The following DCTN4 variants were observed in gnomAD, a reference collection of about 807,000 sequenced individuals.
The protein encoded by DCTN4 is dynactin subunit 4, also known as dynactin 4 (p62).
In DCTN4, 23 loss-of-function variants were observed where a neutral mutation model predicts 62.7. That is an observed-to-expected ratio of 0.37 (90% CI 0.26 to 0.52). The LOEUF (loss-of-function observed/expected upper bound fraction) is 0.52. DCTN4 is among the 20% of genes least tolerant of loss of function. The pLI, the probability that DCTN4 is intolerant of heterozygous loss-of-function variation, is 0.92. For synonymous variants in DCTN4, 199 were observed against 202.1 expected (o/e 0.98, Z 0.13); for missense variants, 514 against 580.4 (o/e 0.89, Z 1.18).
intron 3 of DCTN4, among the ~76,000 whole-genome samples, chr5:150,753,016 C>T (rs1265110579): frequency 6.6e-6 from 1 of 151,970 alleles, no homozygotes; most frequent in Non-Finnish European, 1.5e-5. Context: ...ACAGGTGCCC[C>T]CACCACGCCC....
intron 9 of DCTN4, among the ~76,000 whole-genome samples, chr5:150,722,140 T>C (rs1337272784): frequency 6.6e-6 from 1 of 152,208 alleles, no homozygotes; most frequent in African/African-American, 2.4e-5. Context: ...TTTCATCTTT[T>C]ATAACCACTA....
intron 12 of DCTN4, among the ~76,000 whole-genome samples, chr5:150,713,401 A>G (rs781530358): frequency 2.0e-5 from 3 of 152,038 alleles, no homozygotes; most frequent in Non-Finnish European, 2.9e-5. Context: ...TGGTATCACT[A>G]AACTAATCTC....
At chr5:150,725,071 T>A (rs193074113) in intron 8 of DCTN4, among the ~76,000 whole-genome samples, 1 of 142,920 alleles carries the variant, frequency 7.0e-6, no homozygotes, top group Non-Finnish European at 1.5e-5. Context: ...GGCAGGAGAA[T>A]GGCGTGAACC....
Position 150,718,301 on chromosome 5 carries a change from G to A in DCTN4, c.1046C>T (p.Pro349Leu). ...CTTAGCAGTGCTGTTGATATCATCA[G>A]GGTCCCCCTCCTCACACTCGAAGAG... ...VTLFECEEGD[P>L]DDINSTAKVV... The change falls in exon 11 of 13, where the codon CCT becomes CTT. Residue 349 changes from proline (P) to leucine (L), a missense_variant. Physicochemically the swap from Pro to Leu is moderately conservative, Grantham distance 98. Transcript: ENST00000447998. The A allele has an allele frequency of 6.2e-7, 1 of 1,613,950 alleles. No individual in the cohort carries two copies. The highest frequency in any genetic ancestry group is 1.7e-5 in the Admixed American group (1 of 60,016).
intron 3 of DCTN4, among the ~76,000 whole-genome samples, chr5:150,748,584 A>G (rs1752547776): frequency 1.3e-5 from 2 of 150,768 alleles, no homozygotes; most frequent in South Asian, 4.2e-4. Context: ...TGGCACATAT[A>G]CACCATGGAA....
At chr5:150,734,955 A>C (rs1760521747) in intron 4 of DCTN4, among the ~76,000 whole-genome samples, 1 of 152,146 alleles carries the variant, frequency 6.6e-6, no homozygotes, top group African/African-American at 2.4e-5. Context: ...TGAGAACCAC[A>C]CAACTGTCCT....
rs1759536594 is a variant in DCTN4 at position 150,710,932 on chromosome 5, C to T, written c.*217G>A. 3.5e-6 allele frequency: 2 copies of T among 567,450 alleles called. No homozygotes were observed. The highest frequency in any genetic ancestry group is 4.1e-5 in the South Asian group (2 of 48,622). The allele number at this position is 567,450 out of a possible 1,614,324, so 35.2% of individuals were successfully genotyped here. ...AACGTGCAGGGTTCAGTGAGGGAGA[C>T]ACAGACTTACTGGTGTCAACAGGGG... On this transcript the variant is annotated 3_prime_UTR_variant, in exon 13 of 13. Transcript: ENST00000447998.
At chr5:150,715,869 A>G (rs948103712) in intron 11 of DCTN4, among the ~76,000 whole-genome samples, 5 of 152,146 alleles carry the variant, frequency 3.3e-5, no homozygotes, top group African/African-American at 4.8e-5. Flanking sequence ...ACTGGGGAGA[A>G]CATGGGGGCT....
At chr5:150,713,783 CTAA>C (rs1045263326) in intron 12 of DCTN4, among the ~76,000 whole-genome samples, 37 of 151,868 alleles carry the variant, frequency 2.4e-4, no homozygotes, top group African/African-American at 8.9e-4. Context: ...TCTCTTCTCT[CTAA>C]TATCTTGTTG....
At chr5:150,731,833 T>TGGTC in intron 5 of DCTN4, 1 of 1,492,516 alleles carries the variant, frequency 6.7e-7, no homozygotes, top group Admixed American at 2.0e-5. Flanking sequence ...GGAACACCAG[T>TGGTC]GGTCATCTGC....
chr5:150,731,316 C>A, intron 6 of DCTN4, 100 bp downstream of exon 6: 1 of 1,134,598 alleles, frequency 8.8e-7, no homozygotes, highest in South Asian at 1.3e-5. Context: ...TCTTCTTTTC[C>A]ATTGACAACT....
intron 9 of DCTN4, among the ~76,000 whole-genome samples, chr5:150,720,318 G>A (rs190203685): frequency 1.1e-3 from 170 of 152,116 alleles, no homozygotes; most frequent in Non-Finnish European, 1.7e-3. Flanking sequence ...TGACCAGCAG[G>A]ATTACCTGAG....
chr5:150,736,311 G>A (rs1760580477), intron 4 of DCTN4: 1 of 152,160 alleles, frequency 6.6e-6, no homozygotes, highest in Admixed American at 6.5e-5. Context: ...ACAGTCATCA[G>A]GTTATCTAAA....
intron 1 of DCTN4, chr5:150,757,784 G>A (rs1228322660): frequency 6.6e-6 from 1 of 151,990 alleles, no homozygotes; most frequent in African/African-American, 2.4e-5. Flanking sequence ...CACATAAAAT[G>A]GCTTATAGTA....
chr5:150,758,810 CG>C, intron 1 of DCTN4, 48 bp downstream of exon 1: 3 of 1,600,520 alleles, frequency 1.9e-6, no homozygotes, highest in Non-Finnish European at 2.6e-6. Flanking sequence ...CTAGCATGAA[CG>C]CCGCGCCCCC....
chr5:150,719,594 T>C, intron 10 of DCTN4, 122 bp downstream of exon 10: 2 of 701,316 alleles, frequency 2.9e-6, no homozygotes, highest in Non-Finnish European at 5.0e-6. Context: ...TCCCAAACTG[T>C]CTTCTTTTCT....
intron 8 of DCTN4, among the ~76,000 whole-genome samples, chr5:150,730,144 T>A (rs779614634): frequency 3.3e-5 from 5 of 152,224 alleles, no homozygotes; most frequent in Non-Finnish European, 7.3e-5. Context: ...AATACTTCCA[T>A]CACCATAGAA....
intron 8 of DCTN4, among the ~76,000 whole-genome samples, chr5:150,727,675 CT>C (rs1760198488): frequency 6.8e-6 from 1 of 146,472 alleles, no homozygotes; most frequent in South Asian, 2.2e-4. Flanking sequence ...ACTCGGGAGG[CT>C]GAGGCAGGAG....
chr5:150,735,292 G>A (rs1425735913), intron 4 of DCTN4, among the ~76,000 whole-genome samples: 3 of 152,200 alleles, frequency 2.0e-5, no homozygotes, highest in Non-Finnish European at 4.4e-5. Flanking sequence ...CACCACCTGT[G>A]ACATCCTGGC....
Sources: allele counts gnomAD v4.1 joint callset (sites outside exome capture counted in the v4.1 genomes callset), GRCh38; gene constraint gnomAD v4.1.1; transcripts MANE v1.5; gene names NCBI Gene and HGNC (gene_info 2026-07-23, HGNC 2026-07-21).